Variants in TNS1 observed in about 807,000 individuals in gnomAD.
TNS1 encodes tensin-1.
Under a neutral mutation model 168.6 loss-of-function variants are expected in TNS1, and 62 were observed. That is an observed-to-expected ratio of 0.37 (90% CI 0.30 to 0.45). The LOEUF (loss-of-function observed/expected upper bound fraction) is 0.45. Among genes scored for constraint, TNS1 ranks in the 20% least tolerant of loss-of-function variants. TNS1 has a pLI of 1.00. For synonymous variants in TNS1, 934 were observed against 933.2 expected (o/e 1.00, Z -0.02); for missense variants, 2,240 against 2,339.4 (o/e 0.96, Z 0.88).
chr2:217,846,636 G>A (rs1243816582), intron 19 of TNS1, among the ~76,000 whole-genome samples: 1 of 152,224 alleles, frequency 6.6e-6, no homozygotes, highest in African/African-American at 2.4e-5. Context: ...TTCCTGCCAA[G>A]TTCAGCCACC....
chr2:218,000,550 CT>C (rs1958543584), intron 1 of TNS1, among the ~76,000 whole-genome samples: 1 of 152,252 alleles, frequency 6.6e-6, no homozygotes, highest in South Asian at 2.1e-4. Flanking sequence ...CATACCTGAT[CT>C]TTTGATATCT....
Position 217,818,595 on chromosome 2 carries a change from C to T in TNS1, c.3737G>A (p.Ser1246Asn). The T allele has an allele frequency of 6.2e-7, 1 of 1,614,252 alleles. No individual in the cohort carries two copies. The highest frequency in any genetic ancestry group is 1.1e-5 in the South Asian group (1 of 91,088). The part of the protein sequence containing the change: ...QSSSPLPTVG[S>N]SYSSPDYSLQ... The stretch of plus-strand genomic sequence containing the variant: ...TGAGTAGTCGGGGCTGCTGTAGCTA[C>T]TGCCCACAGTCGGGAGAGGAGAAGA... Residue 1246 changes from serine (S) to asparagine (N), a missense_variant, in exon 24 of 33, where the codon AGT becomes AAT. Ser to Asn is a conservative substitution (Grantham distance 46). This residue lies in a region of TNS1 where 2,131 missense variants were observed against 2,171.2 expected (regional missense o/e 0.98). Transcript: ENST00000682258.
intron 22 of TNS1, chr2:217,830,046 G>C (rs1413159766): frequency 3.2e-6 from 3 of 949,792 alleles, no homozygotes; most frequent in Non-Finnish European, 3.8e-6. Context: ...GAAAGCTGGG[G>C]TGAGGCCAGG....
chr2:218,000,379 CAGGAGTAGAGCCCA>C (rs1349272662), intron 1 of TNS1, among the ~76,000 whole-genome samples: 1 of 152,168 alleles, frequency 6.6e-6, no homozygotes, highest in Admixed American at 6.5e-5. Context: ...GCAGTCAGCC[CAGGAGTAGAGCCCA>C]AGGAGTAGAG....
intron 22 of TNS1, among the ~76,000 whole-genome samples, chr2:217,829,391 A>T (rs1944080791): frequency 6.6e-6 from 1 of 152,168 alleles, no homozygotes; most frequent in Admixed American, 6.5e-5. Context: ...ATCTCAAAAA[A>T]AAAGGCGTCA....
At chr2:218,029,923 C>T (rs141627045) in intron 1 of TNS1, among the ~76,000 whole-genome samples, 64 of 152,292 alleles carry the variant, frequency 4.2e-4, no homozygotes, top group African/African-American at 1.4e-3. Context: ...CAGACAAATG[C>T]CTTCACAGCC....
intron 6 of TNS1, among the ~76,000 whole-genome samples, chr2:217,906,123 T>G (rs908567665): frequency 3.9e-5 from 6 of 152,130 alleles, no homozygotes; most frequent in African/African-American, 7.2e-5. Context: ...CAGTCGCTGA[T>G]GAATGAGCTC....
chr2:217,906,265 TCCC>T, intron 6 of TNS1, 67 bp downstream of exon 6: 5 of 596,270 alleles, frequency 8.4e-6, no homozygotes, highest in Non-Finnish European at 1.6e-5. Flanking sequence ...ATTATCCACC[TCCC>T]ACCCCACCCC....
intron 18 of TNS1, chr2:217,849,614 C>T: frequency 2.0e-6 from 2 of 978,852 alleles, no homozygotes; most frequent in Non-Finnish European, 2.4e-6. Context: ...ATCATTAATT[C>T]CTGAATGACC....
intron 18 of TNS1, among the ~76,000 whole-genome samples, chr2:217,869,346 A>C (rs1048845089): frequency 2.6e-5 from 4 of 152,234 alleles, no homozygotes; most frequent in Non-Finnish European, 5.9e-5. Flanking sequence ...CAGCCTCTGA[A>C]AAGGCAGGGA....
intron 18 of TNS1, among the ~76,000 whole-genome samples, chr2:217,868,857 C>G (rs1247321772): frequency 6.6e-6 from 1 of 152,228 alleles, no homozygotes; most frequent in East Asian, 1.9e-4. Flanking sequence ...TGGGTTCCAC[C>G]CCTTCCCAGC....
chr2:217,955,647 G>T (rs978189766), intron 3 of TNS1, among the ~76,000 whole-genome samples: 1 of 152,312 alleles, frequency 6.6e-6, no homozygotes, highest in South Asian at 2.1e-4. Flanking sequence ...CTAAGCAGTG[G>T]GAGGCGGTCA....
chr2:217,808,675 C>T lies in TNS1; in HGVS notation c.5274-4G>A. 6.2e-7 allele frequency: 1 copy of T among 1,613,942 alleles called. No individual in the cohort carries two copies. The highest frequency in any genetic ancestry group is 8.5e-7 in the Non-Finnish European group (1 of 1,179,830). On this transcript the variant is annotated splice_region_variant and splice_polypyrimidine_tract_variant and intron_variant, in intron 30 of 32. Coordinates refer to ENST00000682258, the MANE Select transcript of TNS1 (RefSeq NM_001387777.1). ...GTAGTGGCGTCTGAAAAAGAGCCTG[C>T]AGCACAGACATCAGATAAACAGAGA...
chr2:217,990,493 A>ATAG (rs1958336308), intron 2 of TNS1, among the ~76,000 whole-genome samples: 1 of 150,708 alleles, frequency 6.6e-6, no homozygotes, highest in South Asian at 2.1e-4. Flanking sequence ...TCCACATGCC[A>ATAG]GCCACATACC....
At chr2:217,822,394 C>T (rs1943007298) in intron 22 of TNS1, among the ~76,000 whole-genome samples, 1 of 152,124 alleles carries the variant, frequency 6.6e-6, no homozygotes, top group Non-Finnish European at 1.5e-5. Context: ...TGAGCTCCAC[C>T]CCCTGCCCAG....
At chr2:217,888,173 T>C (rs1027975847) in intron 12 of TNS1, among the ~76,000 whole-genome samples, 10 of 152,220 alleles carry the variant, frequency 6.6e-5, no homozygotes, top group Non-Finnish European at 1.5e-5. Context: ...TAGCGGTTCC[T>C]ATCAGATCTC....
rs141406438 is a variant in TNS1, at chr2:217,924,484, C to G, written c.187-4248G>C. ...ATGAGGGCAGGAAGCACATCTTATC[C>G]GTCAAACTAGTCCAGCACAGAGCCA... On this transcript the variant is annotated intron_variant, in intron 3 of 32. Coordinates refer to ENST00000682258, the MANE Select transcript of TNS1 (RefSeq NM_001387777.1). Among the ~76,000 whole-genome samples, 203 of 152,280 alleles carry G rather than the reference C, an allele frequency of 1.3e-3. 2 individuals carry two copies. The highest frequency in any genetic ancestry group is 3.9e-3 in the East Asian group (20 of 5,184).
intron 18 of TNS1, chr2:217,858,630 T>G: frequency 1.7e-5 from 16 of 942,036 alleles, no homozygotes; most frequent in Non-Finnish European, 2.0e-5. Context: ...TCCCTCCGAC[T>G]GTCAGGGGTG....
At position 218,033,765 on chromosome 2, in the gene TNS1, A is replaced by C. The variant is rs375705865; in HGVS notation, c.156+55T>G. On this transcript the variant is annotated intron_variant, in intron 1 of 1. Transcript: ENST00000649572. This position sits in a 1 kb window ranked among gnomAD's most constrained non-coding sequence, Gnocchi z 4.3. ...TGTGTCAGGTGCCCTGGGCTCTGCCAACCGCCAGCTCCCGACTCGGGGCGT... is the reference window on the plus strand; with the variant it reads ...TGTGTCAGGTGCCCTGGGCTCTGCCCACCGCCAGCTCCCGACTCGGGGCGT... Among the ~76,000 whole-genome samples, 1 of 152,298 alleles carries C rather than the reference A, an allele frequency of 6.6e-6. No individual in the cohort carries two copies. The highest frequency in any genetic ancestry group is 2.1e-4 in the South Asian group (1 of 4,824).
Sources: allele counts gnomAD v4.1 joint callset (sites outside exome capture counted in the v4.1 genomes callset), GRCh38; gene constraint gnomAD v4.1.1; regional missense constraint gnomAD v4.1.1; non-coding constraint Gnocchi (gnomAD v3.1); transcripts MANE v1.5; gene names NCBI Gene and HGNC (gene_info 2026-07-23, HGNC 2026-07-21).